Variants in MTMR3 observed in about 807,000 individuals in gnomAD.
The protein encoded by MTMR3 is myotubularin related protein 3.
A neutral mutation model predicts 132.4 loss-of-function variants in MTMR3; 32 were observed. That is an observed-to-expected ratio of 0.24 (90% CI 0.18 to 0.32). The LOEUF is 0.32. MTMR3 is among the 10% of genes least tolerant of loss of function. MTMR3 has a pLI of 1.00. For missense variants in MTMR3, 1,216 were observed against 1,489.6 expected, an observed-to-expected ratio of 0.82 and a Z score of 3.02; for synonymous variants, 556 against 550.3, an observed-to-expected ratio of 1.01 and a Z score of -0.14.
chr22:29,907,510 G>A lies in MTMR3; in HGVS notation c.-138+24151G>A, dbSNP rs556030712. ...CCCCTTCACCGATAGTTGATGGACC[G>A]TCAGAGAATCCTTGAGTATCTCAAG... On this transcript the variant is annotated intron_variant, in intron 1 of 19. Coordinates refer to ENST00000401950, the MANE Select transcript of MTMR3 (RefSeq NM_021090.4). Among the ~76,000 whole-genome samples the A allele has an allele frequency of 4.6e-5, 7 of 151,854 alleles. No homozygotes were observed. The East Asian group carries it at 9.6e-4, about 21-fold the overall frequency.
At chr22:30,023,381 A>G in intron 19 of MTMR3, 1 of 1,467,498 alleles carries the variant, frequency 6.8e-7, no homozygotes, top group Non-Finnish European at 9.6e-7. Flanking sequence ...TAGGACATGT[A>G]TCTCCCCACC....
At chr22:29,910,203 A>G (rs2065183462) in intron 1 of MTMR3, among the ~76,000 whole-genome samples, 1 of 152,104 alleles carries the variant, frequency 6.6e-6, no homozygotes, top group South Asian at 2.1e-4. Flanking sequence ...TGTGTTTTAT[A>G]GGTACCCACA....
chr22:30,012,681 G>A (rs1377946283), intron 13 of MTMR3, 118 bp downstream of exon 13: 8 of 1,158,204 alleles, frequency 6.9e-6, no homozygotes, highest in South Asian at 1.7e-5. Context: ...TTCTGTTTTG[G>A]TCATTGTTCC....
chr22:29,934,359 GA>G (rs994037358), intron 1 of MTMR3, among the ~76,000 whole-genome samples: 2 of 148,232 alleles, frequency 1.3e-5, no homozygotes, highest in African/African-American at 2.5e-5. Context: ...GTCTCAAAGA[GA>G]AAAAAAAAAT....
chr22:29,950,811 G>A (rs1337720681), intron 1 of MTMR3, among the ~76,000 whole-genome samples: 1 of 152,176 alleles, frequency 6.6e-6, no homozygotes, highest in Non-Finnish European at 1.5e-5. Context: ...ATTACTTACA[G>A]AACTTCCTTA....
chr22:29,886,626 G>T (rs2064683041), intron 1 of MTMR3, among the ~76,000 whole-genome samples: 1 of 152,082 alleles, frequency 6.6e-6, no homozygotes. Context: ...ATGTTATTTG[G>T]TATTCATCTC....
In MTMR3 at chr22:30,020,518, ACCC is replaced by A. The variant is rs765457134; in HGVS notation, c.2860_2862del (p.Pro954del). On this transcript the variant is annotated inframe_deletion, in exon 17 of 20. Coordinates refer to ENST00000401950, the MANE Select transcript of MTMR3 (RefSeq NM_021090.4). ...TTAGCACCCTCCAGATGTACCCCAC[ACCC>A]AATGGGCATTGCGCCAATGGGGAGG... 1 of 1,614,146 alleles carries A rather than the reference ACCC, an allele frequency of 6.2e-7. No individual in the cohort carries two copies. The highest frequency in any genetic ancestry group is 1.1e-5 in the South Asian group (1 of 91,076).
At chr22:29,902,854 T>C (rs2065027076) in intron 1 of MTMR3, among the ~76,000 whole-genome samples, 1 of 152,234 alleles carries the variant, frequency 6.6e-6, no homozygotes, top group South Asian at 2.1e-4. Context: ...TTATCTTCTT[T>C]GTTCCTATGT....
chr22:30,010,709 C>G (rs1418717934), intron 12 of MTMR3: 1 of 152,208 alleles, frequency 6.6e-6, no homozygotes. Context: ...CACCGGTTCT[C>G]TTGTTTACCA....
At chr22:29,934,521 C>T (rs1367554383) in intron 1 of MTMR3, among the ~76,000 whole-genome samples, 2 of 150,468 alleles carry the variant, frequency 1.3e-5, no homozygotes, top group African/African-American at 4.9e-5. Context: ...TCTTGCCATA[C>T]TTGCATTTTA....
chr22:30,025,558 CTT>C, intron 19 of MTMR3, 70 bp from the exon 20 acceptor site: 1 of 1,519,724 alleles, frequency 6.6e-7, no homozygotes, highest in South Asian at 1.1e-5. Flanking sequence ...CAAAGTTTGT[CTT>C]TTGAAGTTGG....
chr22:30,018,734 C>T (rs2067665529), intron 16 of MTMR3: 1 of 147,400 alleles, frequency 6.8e-6, no homozygotes, highest in Non-Finnish European at 1.5e-5. Context: ...CAAGACCTGT[C>T]TCAGGAAAAA....
At chr22:29,976,288 CTGTT>C (rs993924940) in intron 3 of MTMR3, among the ~76,000 whole-genome samples, 7 of 151,862 alleles carry the variant, frequency 4.6e-5, no homozygotes, top group Admixed American at 3.9e-4. Context: ...TTTGTTGTTA[CTGTT>C]TGTTTTTTTC....
chr22:30,016,240 A>C, intron 14 of MTMR3: 2 of 355,356 alleles, frequency 5.6e-6, no homozygotes, highest in Non-Finnish European at 1.0e-5. Context: ...CACCCAGTTC[A>C]TATGCTGTGG....
At chr22:29,992,609 A>C (rs1341084657) in intron 7 of MTMR3, 2 of 152,216 alleles carry the variant, frequency 1.3e-5, no homozygotes, top group Non-Finnish European at 2.9e-5. Context: ...TTCAAAGTGA[A>C]GTCTTAAATT....
intron 6 of MTMR3, chr22:29,990,364 G>A (rs1365214301): frequency 6.6e-6 from 1 of 152,096 alleles, no homozygotes; most frequent in Non-Finnish European, 1.5e-5. Context: ...TTATGTGTTG[G>A]CATACTGATG....
chr22:29,996,672 A>G (rs780056049), intron 7 of MTMR3: 1 of 152,234 alleles, frequency 6.6e-6, no homozygotes, highest in Admixed American at 6.5e-5. Flanking sequence ...CAGCTTTTAG[A>G]TTGGGATTAT....
Position 30,020,391 on chromosome 22 carries a change from C to CA in MTMR3, c.2733dup (p.Arg912ThrfsTer12). ...TCCCTTGGCAGCACTCTCAGCCTGA[C>CA]ACGTTCCCCTTGTGCCTTGCCTTTA... On this transcript the variant is annotated frameshift_variant, in exon 17 of 20. Coordinates refer to ENST00000401950, the MANE Select transcript of MTMR3 (RefSeq NM_021090.4). LOFTEE classifies it high-confidence loss of function. The CA allele has an allele frequency of 6.2e-7, 1 of 1,614,238 alleles. No homozygotes were observed. Among genetic ancestry groups the CA allele is most frequent in the Non-Finnish European group, 8.5e-7 (1 of 1,180,040 alleles).
chr22:29,995,228 AG>A (rs1334004914), intron 7 of MTMR3: 3 of 152,282 alleles, frequency 2.0e-5, no homozygotes, highest in Non-Finnish European at 4.4e-5. Context: ...AATGCAGTCC[AG>A]GAAGTTGCAT....
Sources: gnomAD v4.1 joint callset for allele counts (sites outside exome capture counted in the v4.1 genomes callset) on GRCh38, gnomAD v4.1.1 for gene constraint, MANE v1.5 for transcripts, NCBI Gene and HGNC (gene_info 2026-07-23, HGNC 2026-07-21) for gene names.